Variants in FBXO31 observed in about 807,000 individuals in gnomAD.
FBXO31 encodes F-box protein 31.
Under a neutral mutation model 54.4 loss-of-function variants are expected in FBXO31, and 24 were observed. The ratio of observed to expected loss-of-function variants is 0.44; its 90% CI spans 0.32 to 0.62. The LOEUF is 0.62. FBXO31 is among the 20% of genes least tolerant of loss of function. The pLI is 0.05. For synonymous variants in FBXO31, 388 were observed against 335.6 expected (o/e 1.16, Z -1.71); for missense variants, 665 against 787.1 (o/e 0.84, Z 1.86).
intron 2 of FBXO31, among the ~76,000 whole-genome samples, chr16:87,356,753 T>C (rs563084939): frequency 6.6e-6 from 1 of 152,288 alleles, no homozygotes; most frequent in South Asian, 2.1e-4. Context: ...CGGGCATTTA[T>C]GAAACTTAAG....
chr16:87,378,785 C>G (rs1469424544), intron 1 of FBXO31, among the ~76,000 whole-genome samples: 1 of 151,988 alleles, frequency 6.6e-6, no homozygotes, highest in South Asian at 2.1e-4. Context: ...CACGGTGAAA[C>G]CCCGTCTCTA....
intron 1 of FBXO31, among the ~76,000 whole-genome samples, chr16:87,378,478 T>C (rs1256065859): frequency 1.3e-5 from 2 of 152,246 alleles, no homozygotes; most frequent in East Asian, 3.9e-4. Context: ...CTTAAAGTGC[T>C]GGCAGCTACT....
chr16:87,341,346 A>G (rs1905187324), intron 5 of FBXO31, among the ~76,000 whole-genome samples: 1 of 152,168 alleles, frequency 6.6e-6, no homozygotes, highest in Non-Finnish European at 1.5e-5. Context: ...AAATCTGTTG[A>G]CATTTTTCAC....
At chr16:87,347,698 A>C (rs1207645818) in intron 2 of FBXO31, among the ~76,000 whole-genome samples, 1 of 151,848 alleles carries the variant, frequency 6.6e-6, no homozygotes, top group Non-Finnish European at 1.5e-5. Flanking sequence ...AAAAAAAAAA[A>C]AAACTATCAG....
intron 1 of FBXO31, among the ~76,000 whole-genome samples, chr16:87,364,456 C>G (rs567859217): frequency 6.6e-6 from 1 of 152,324 alleles, no homozygotes; most frequent in South Asian, 2.1e-4. Context: ...TGGGCCAGTT[C>G]GCGCCGACTC....
intron 5 of FBXO31, among the ~76,000 whole-genome samples, chr16:87,341,339 T>C (rs1430989437): frequency 6.6e-6 from 1 of 152,074 alleles, no homozygotes; most frequent in East Asian, 1.9e-4. Flanking sequence ...TCTTGAAAAA[T>C]CTGTTGACAT....
chr16:87,377,987 A>ATC (rs1350950228), intron 1 of FBXO31, among the ~76,000 whole-genome samples: 1 of 151,866 alleles, frequency 6.6e-6, no homozygotes, highest in Non-Finnish European at 1.5e-5. Context: ...GAGAAACCCC[A>ATC]TCTCTACTAA....
chr16:87,382,699 G>T (rs1907135457), intron 1 of FBXO31, among the ~76,000 whole-genome samples: 1 of 152,126 alleles, frequency 6.6e-6, no homozygotes, highest in Non-Finnish European at 1.5e-5. Flanking sequence ...TGGCCCAGAT[G>T]TTGGCTCAGT....
chr16:87,350,553 T>C (rs926883254), intron 2 of FBXO31, among the ~76,000 whole-genome samples: 2 of 152,092 alleles, frequency 1.3e-5, no homozygotes, highest in Admixed American at 6.5e-5. Context: ...CTGAAGCATT[T>C]AGGAGTGAAA....
At chr16:87,350,720 G>T (rs1234040339) in intron 2 of FBXO31, among the ~76,000 whole-genome samples, 1 of 146,790 alleles carries the variant, frequency 6.8e-6, no homozygotes, top group Non-Finnish European at 1.5e-5. Context: ...AAATACTGGG[G>T]TTAAAAAAAA....
upstream of FBXO31, chr16:87,383,806 C>T: frequency 2.7e-6 from 3 of 1,119,264 alleles, no homozygotes; most frequent in Non-Finnish European, 3.3e-6. The surrounding 1 kb of genome is among the most constrained non-coding windows in gnomAD (Gnocchi z 4.9). Context: ...CCCGCCCCGC[C>T]AGCGCCGAGC....
intron 2 of FBXO31, among the ~76,000 whole-genome samples, chr16:87,354,624 C>T (rs553422891): frequency 1.4e-4 from 21 of 152,072 alleles, no homozygotes; most frequent in Non-Finnish European, 2.8e-4. Context: ...CCTCATGCAC[C>T]CAAGGAAAAA....
chr16:87,390,482 C>G (rs1354227322), upstream of FBXO31, among the ~76,000 whole-genome samples: 1 of 151,468 alleles, frequency 6.6e-6, no homozygotes, highest in Non-Finnish European at 1.5e-5. Flanking sequence ...GCTCTTTCCC[C>G]CAGGCTGGAG....
chr16:87,363,654 A>T (rs1906233258), intron 1 of FBXO31, among the ~76,000 whole-genome samples: 1 of 152,190 alleles, frequency 6.6e-6, no homozygotes, highest in South Asian at 2.1e-4. Flanking sequence ...TTTTAATGAA[A>T]ATCTCTTGCT....
At position 87,335,191 on chromosome 16, in the gene FBXO31, A is replaced by G. The variant is rs1424890755; in HGVS notation, c.996+113T>C. On this transcript the variant is annotated intron_variant, in intron 7 of 8. Transcript: ENST00000311635. This position sits in a 1 kb window ranked among gnomAD's most constrained non-coding sequence, Gnocchi z 5.7. ...CTCCCGGGGCTGCAGGTGCAAGCCC[A>G]CTCTGAGGAGCAAGGGTGCCGGGGA... The G allele has an allele frequency of 1.1e-5, 16 of 1,492,722 alleles. No homozygotes were observed. In the Admixed American group the frequency reaches 2.7e-4, roughly 25 times the overall value. 92.5% of individuals were successfully genotyped at this position (1,492,722 alleles called of 1,614,324 possible). A position where few individuals can be genotyped will look rare whatever the true frequency, so the allele number is the denominator to read the frequency against.
intron 2 of FBXO31, among the ~76,000 whole-genome samples, chr16:87,354,494 T>C (rs1429143428): frequency 1.3e-5 from 2 of 150,688 alleles, no homozygotes; most frequent in Non-Finnish European, 2.9e-5. Flanking sequence ...AAAAATGCAC[T>C]TTGACTGGCT....
At chr16:87,332,479 A>C (rs1904893371) in intron 8 of FBXO31, among the ~76,000 whole-genome samples, 1 of 152,254 alleles carries the variant, frequency 6.6e-6, no homozygotes, top group Admixed American at 6.5e-5. Context: ...GAGATGTTTG[A>C]AGGGTAACAG....
chr16:87,356,728 G>C (rs1158645905), intron 2 of FBXO31, among the ~76,000 whole-genome samples: 1 of 152,174 alleles, frequency 6.6e-6, no homozygotes. Flanking sequence ...GCTTTCAGTT[G>C]GTGTTTTTAG....
At chr16:87,353,927 T>A (rs1027885679) in intron 2 of FBXO31, among the ~76,000 whole-genome samples, 1 of 152,218 alleles carries the variant, frequency 6.6e-6, no homozygotes, top group Non-Finnish European at 1.5e-5. Flanking sequence ...CCACACCGAT[T>A]AGATGACAAC....
Sources: gnomAD v4.1 joint callset for allele counts (sites outside exome capture counted in the v4.1 genomes callset) on GRCh38, gnomAD v4.1.1 for gene constraint, Gnocchi (gnomAD v3.1) non-coding constraint, MANE v1.5 for transcripts, NCBI Gene and HGNC (gene_info 2026-07-23, HGNC 2026-07-21) for gene names.